The following PRKCE variants were observed in gnomAD, a reference collection of about 807,000 sequenced individuals.
PRKCE encodes the protein protein kinase C epsilon.
A neutral mutation model predicts 85.4 loss-of-function variants in PRKCE; 16 were observed. The observed-to-expected ratio is 0.19, with a 90% CI of 0.13 to 0.28. The LOEUF (loss-of-function observed/expected upper bound fraction) is 0.28, where lower values mean the gene tolerates loss of function less well. Ranked by LOEUF, PRKCE falls within the 10% of genes least tolerant of loss-of-function variation. The probability of loss-of-function intolerance (pLI) is 1.00; values close to 1 mark genes in which losing one functional copy is unlikely to be tolerated. For missense variants in PRKCE, 573 were observed against 975.2 expected, an observed-to-expected ratio of 0.59 and a Z score of 5.49; for synonymous variants, 388 against 371.5, an observed-to-expected ratio of 1.04 and a Z score of -0.51.
intron 10 of PRKCE, among the ~76,000 whole-genome samples, chr2:46,030,921 G>T (rs1707471967): frequency 6.6e-6 from 1 of 152,048 alleles, no homozygotes. Context: ...ATGATTGGTG[G>T]GACCTTCTCT....
chr2:45,728,920 G>A (rs1471067453), intron 1 of PRKCE, among the ~76,000 whole-genome samples: 1 of 152,172 alleles, frequency 6.6e-6, no homozygotes, highest in South Asian at 2.1e-4. Flanking sequence ...CTCAGTATAC[G>A]GTGGCACTGG....
chr2:45,839,266 C>T (rs1259456915), intron 1 of PRKCE, among the ~76,000 whole-genome samples: 1 of 152,086 alleles, frequency 6.6e-6, no homozygotes, highest in Non-Finnish European at 1.5e-5. Context: ...TGAGGTCACT[C>T]AGCTGATAAA....
intron 10 of PRKCE, among the ~76,000 whole-genome samples, chr2:46,065,467 G>A (rs1332362168): frequency 6.6e-6 from 1 of 152,108 alleles, no homozygotes; most frequent in Non-Finnish European, 1.5e-5. Flanking sequence ...GTCCGGTTAA[G>A]CTTGAGTCAG....
chr2:46,029,856 A>G (rs1447419792), intron 10 of PRKCE, among the ~76,000 whole-genome samples: 1 of 152,090 alleles, frequency 6.6e-6, no homozygotes, highest in Non-Finnish European at 1.5e-5. Flanking sequence ...TGATGTTTGG[A>G]GGGCATTTGC....
chr2:45,677,975 A>C, intron 1 of PRKCE: 1 of 841,422 alleles, frequency 1.2e-6, no homozygotes, highest in Non-Finnish European at 1.4e-6. Flanking sequence ...TGTAAATATC[A>C]ACTTGATTTT....
intron 2 of PRKCE, among the ~76,000 whole-genome samples, chr2:45,860,717 C>T (rs901383537): frequency 6.6e-6 from 1 of 152,168 alleles, no homozygotes; most frequent in Admixed American, 6.5e-5. Context: ...TCTGGGGGCC[C>T]TGCCCACTTT....
intron 11 of PRKCE, among the ~76,000 whole-genome samples, chr2:46,119,015 A>G (rs1018305598): frequency 6.6e-6 from 1 of 152,176 alleles, no homozygotes; most frequent in African/African-American, 2.4e-5. Context: ...TCCAGGAGGA[A>G]GAGAGCAAAT....
intron 1 of PRKCE, among the ~76,000 whole-genome samples, chr2:45,767,343 G>A (rs1404981825): frequency 6.6e-6 from 1 of 152,146 alleles, no homozygotes; most frequent in Non-Finnish European, 1.5e-5. Context: ...ACCTCTTAAT[G>A]GGCAATTTTA....
intron 2 of PRKCE, among the ~76,000 whole-genome samples, chr2:45,930,057 T>G (rs1179508412): frequency 6.6e-6 from 1 of 152,174 alleles, no homozygotes; most frequent in Non-Finnish European, 1.5e-5. Context: ...AAATATAGTG[T>G]GAGAAATGAA....
chr2:46,016,404 A>G (rs185521410), intron 10 of PRKCE, among the ~76,000 whole-genome samples: 7 of 152,234 alleles, frequency 4.6e-5, no homozygotes, highest in African/African-American at 1.7e-4. Flanking sequence ...CGATCAAGCA[A>G]GGCTTCATGG....
intron 1 of PRKCE, among the ~76,000 whole-genome samples, chr2:45,775,298 C>T (rs1685662937): frequency 6.6e-6 from 1 of 152,124 alleles, no homozygotes; most frequent in Non-Finnish European, 1.5e-5. Flanking sequence ...GTGAGTGTGC[C>T]CCGTGTGCAT....
chr2:46,037,045 G>A (rs1464159720), intron 10 of PRKCE, among the ~76,000 whole-genome samples: 1 of 152,168 alleles, frequency 6.6e-6, no homozygotes, highest in Non-Finnish European at 1.5e-5. Context: ...CCTTCCCACA[G>A]CTGGCGTCCA....
intron 1 of PRKCE, among the ~76,000 whole-genome samples, chr2:45,682,226 C>G (rs569028842): frequency 6.6e-6 from 1 of 152,104 alleles, no homozygotes; most frequent in Admixed American, 6.5e-5. Flanking sequence ...TTCTTTTTTT[C>G]AGATAACATG....
intron 1 of PRKCE, among the ~76,000 whole-genome samples, chr2:45,707,991 C>T (rs1679262185): frequency 6.6e-6 from 1 of 152,190 alleles, no homozygotes. Flanking sequence ...ATAAGGTAGA[C>T]ACAAATTGGA....
intron 10 of PRKCE, among the ~76,000 whole-genome samples, chr2:46,026,935 C>A (rs1280145140): frequency 6.6e-6 from 1 of 152,152 alleles, no homozygotes; most frequent in Non-Finnish European, 1.5e-5. Context: ...TGTCTGTAGT[C>A]CCAACATTGG....
intron 1 of PRKCE, among the ~76,000 whole-genome samples, chr2:45,798,099 G>T (rs770935545): frequency 7.9e-5 from 12 of 152,102 alleles, no homozygotes; most frequent in Non-Finnish European, 1.8e-4. Flanking sequence ...CTTAATGAGT[G>T]TACTTTCTCC....
intron 1 of PRKCE, among the ~76,000 whole-genome samples, chr2:45,741,496 A>G (rs1210589737): frequency 1.3e-5 from 2 of 152,196 alleles, no homozygotes; most frequent in Non-Finnish European, 2.9e-5. Context: ...CAGAGAGCCA[A>G]GGTTCTTCTG....
intron 11 of PRKCE, among the ~76,000 whole-genome samples, chr2:46,142,755 C>T (rs1168876473): frequency 2.0e-5 from 3 of 152,230 alleles, no homozygotes; most frequent in Non-Finnish European, 2.9e-5. Flanking sequence ...TGAGGACTTC[C>T]TCCTTCTTTG....
At chr2:45,690,465 C>A (rs899115658) in intron 1 of PRKCE, among the ~76,000 whole-genome samples, 9 of 152,346 alleles carry the variant, frequency 5.9e-5, no homozygotes, top group African/African-American at 1.7e-4. Flanking sequence ...CATTTATTCA[C>A]AGTGGAGACA....
Sources: allele counts gnomAD v4.1 joint callset (sites outside exome capture counted in the v4.1 genomes callset), GRCh38; gene constraint gnomAD v4.1.1; transcripts MANE v1.5; gene names NCBI Gene and HGNC (gene_info 2026-07-23, HGNC 2026-07-21).